PLEKHG7: variants seen among roughly 807,000 people sequenced by gnomAD.
PLEKHG7 encodes the protein pleckstrin homology and RhoGEF domain containing G7.
PLEKHG7 carries 77 observed loss-of-function variants against 85.2 expected under a neutral mutation model. That is an observed-to-expected ratio of 0.90 (90% CI 0.75 to 1.09). The LOEUF (loss-of-function observed/expected upper bound fraction) is 1.09, where lower values mean the gene tolerates loss of function less well. Among genes scored for constraint, PLEKHG7 ranks in the 50% least tolerant of loss-of-function variants. The probability of loss-of-function intolerance (pLI) is 0.00; values close to 1 mark genes in which losing one functional copy is unlikely to be tolerated. For missense variants in PLEKHG7, 777 were observed against 804.3 expected (o/e 0.97, Z 0.41); for synonymous variants, 301 against 302.4 (o/e 1.00, Z 0.05).
intron 14 of PLEKHG7, 34 bp from the exon 15 acceptor site, chr12:92,764,006 CT>C (rs772341553): frequency 6.3e-7 from 1 of 1,575,834 alleles, no homozygotes; most frequent in South Asian, 1.2e-5. Flanking sequence ...ATATTTATTT[CT>C]TGTTTATTGC....
intron 7 of PLEKHG7, among the ~76,000 whole-genome samples, chr12:92,739,770 T>C (rs1055084453): frequency 1.3e-5 from 2 of 152,218 alleles, no homozygotes; most frequent in Non-Finnish European, 2.9e-5. Flanking sequence ...GCAAAAGTAG[T>C]ATTTCTTCCA....
At chr12:92,768,303 G>A (rs1034468257) in intron 15 of PLEKHG7, among the ~76,000 whole-genome samples, 1 of 152,058 alleles carries the variant, frequency 6.6e-6, no homozygotes, top group Non-Finnish European at 1.5e-5. Context: ...AAGCGCTCCT[G>A]CTATATTAGA....
chr12:92,727,131 A>G (rs1871839032), intron 3 of PLEKHG7, among the ~76,000 whole-genome samples: 1 of 152,180 alleles, frequency 6.6e-6, no homozygotes, highest in South Asian at 2.1e-4. Flanking sequence ...TTTTGTCATC[A>G]CAGCCCTCCC....
At chr12:92,765,389 G>A (rs1397534746) in intron 15 of PLEKHG7, among the ~76,000 whole-genome samples, 1 of 151,522 alleles carries the variant, frequency 6.6e-6, no homozygotes, top group Non-Finnish European at 1.5e-5. Context: ...CAGCACCTTG[G>A]GAGCCCGAGT....
At chr12:92,756,430 C>T (rs1187036522) in intron 13 of PLEKHG7, 39 bp downstream of exon 13, 3 of 1,474,018 alleles carry the variant, frequency 2.0e-6, no homozygotes, top group Non-Finnish European at 9.5e-7. Context: ...AACATCTGTG[C>T]CGCCTTGTAA....
At chr12:92,740,466 T>C (rs1872319536) in intron 7 of PLEKHG7, among the ~76,000 whole-genome samples, 1 of 152,262 alleles carries the variant, frequency 6.6e-6, no homozygotes, top group African/African-American at 2.4e-5. Context: ...TTTGGGTCTT[T>C]TGCAGAAGAA....
At chr12:92,705,423 TAAG>T (rs1338642254) in intron 1 of PLEKHG7, among the ~76,000 whole-genome samples, 1 of 152,260 alleles carries the variant, frequency 6.6e-6, no homozygotes, top group African/African-American at 2.4e-5. Flanking sequence ...ATTAAAATTA[TAAG>T]AAGTAAATTA....
intron 3 of PLEKHG7, among the ~76,000 whole-genome samples, chr12:92,716,867 T>C (rs1393729956): frequency 6.6e-6 from 1 of 152,236 alleles, no homozygotes; most frequent in Non-Finnish European, 1.5e-5. Context: ...AGAAAGAGTC[T>C]ACTTCCAAAA....
chr12:92,722,079 C>T (rs866641328), intron 3 of PLEKHG7, among the ~76,000 whole-genome samples: 9 of 151,012 alleles, frequency 6.0e-5, no homozygotes, highest in African/African-American at 2.2e-4. Context: ...AAAAAAAAAA[C>T]CCTAATATTT....
intron 10 of PLEKHG7, among the ~76,000 whole-genome samples, chr12:92,750,929 A>G (rs184655333): frequency 6.8e-6 from 1 of 146,108 alleles, no homozygotes; most frequent in Non-Finnish European, 1.5e-5. Flanking sequence ...ACAAAGTCAG[A>G]CCTACCCTGT....
rs1305251818 is a variant in PLEKHG7 at position 92,770,248 on chromosome 12, T to C, written c.*53T>C. The C allele has an allele frequency of 1.7e-5, 23 of 1,320,648 alleles. No homozygotes were observed. The highest frequency in any genetic ancestry group is 2.4e-5 in the Non-Finnish European group (23 of 942,550). 81.8% of individuals were successfully genotyped at this position (1,320,648 alleles called of 1,614,324 possible). ...TAGAAGATTATGGTTTAAGGTATAA[T>C]TTCATTCAAAGTTTTGTAACACTTA... On this transcript the variant is annotated 3_prime_UTR_variant, in exon 17 of 17. Coordinates refer to ENST00000344636, the MANE Select transcript of PLEKHG7 (RefSeq NM_001377329.1).
chr12:92,718,823 G>C (rs1354889605), intron 3 of PLEKHG7, among the ~76,000 whole-genome samples: 3 of 152,206 alleles, frequency 2.0e-5, no homozygotes, highest in African/African-American at 7.2e-5. Context: ...GTTGCCAGCA[G>C]TTACCATGGT....
At chr12:92,721,075 A>C (rs1228248782) in intron 3 of PLEKHG7, among the ~76,000 whole-genome samples, 1 of 152,236 alleles carries the variant, frequency 6.6e-6, no homozygotes, top group Middle Eastern at 3.2e-3. Flanking sequence ...TATCCACTAC[A>C]TAGGGTGCTT....
At chr12:92,765,498 G>A (rs150057334) in intron 15 of PLEKHG7, among the ~76,000 whole-genome samples, 849 of 151,912 alleles carry the variant, frequency 5.6e-3, no homozygotes, top group African/African-American at 9.1e-3. Context: ...GCATGGTGGC[G>A]CACACCTGTG....
At chr12:92,749,085 T>TGTTCTGTTGTAAACAAC (rs778731416) in intron 10 of PLEKHG7, among the ~76,000 whole-genome samples, 73 of 152,226 alleles carry the variant, frequency 4.8e-4, no homozygotes, top group Non-Finnish European at 8.7e-4. Flanking sequence ...TCTCCTACAA[T>TGTTCTGTTGTAAACAAC]GTTCTGTTGT....
chr12:92,745,538 ATCTT>A lies in PLEKHG7; in HGVS notation c.1200_1203del (p.Phe401IlefsTer5). The A allele has an allele frequency of 6.2e-7, 1 of 1,614,014 alleles. No homozygotes were observed. ...CTACTGCCTGAACTATTCAGCTGCT[ATCTT>A]TTATCTTGAGAGCCTGAGGCAGAGA... On this transcript the variant is annotated frameshift_variant, in exon 10 of 17. Transcript: ENST00000344636. LOFTEE classifies it high-confidence loss of function.
At chr12:92,740,601 G>A (rs1872325265) in intron 7 of PLEKHG7, among the ~76,000 whole-genome samples, 1 of 152,160 alleles carries the variant, frequency 6.6e-6, no homozygotes, top group Admixed American at 6.5e-5. Flanking sequence ...GACAGATTAT[G>A]TTCAATAGGA....
Position 92,707,017 on chromosome 12 carries a change from C to T in PLEKHG7, c.386C>T (p.Thr129Ile), listed in dbSNP as rs753676219. 1 of 1,614,172 alleles carries T rather than the reference C, an allele frequency of 6.2e-7. No homozygotes were observed. The highest frequency in any genetic ancestry group is 1.1e-5 in the South Asian group (1 of 91,070). ...TCACTGGAGCCCCAAACCCGGCCCA[C>T]TGACAAGTATCTCCCTCCTGAGCTT... is the stretch of plus-strand genomic sequence containing the variant. Reference protein sequence around the residue: ...ADSLEPQTRPTDKYLPPELQP... With the variant: ...ADSLEPQTRPIDKYLPPELQP... The change falls in exon 2 of 17, where the codon ACT (threonine) becomes ATT (isoleucine). Residue 129 changes from threonine to isoleucine, a missense_variant. This residue lies in a region of PLEKHG7 where 252 missense variants were observed against 241.9 expected (regional missense o/e 1.04). Coordinates refer to ENST00000344636, the MANE Select transcript of PLEKHG7 (RefSeq NM_001377329.1).
chr12:92,732,335 A>C, intron 5 of PLEKHG7, 62 bp downstream of exon 5: 1 of 1,012,236 alleles, frequency 9.9e-7, no homozygotes, highest in Non-Finnish European at 1.3e-6. Flanking sequence ...GAAAGTAAGA[A>C]ATGGCTGAAG....
Sources: gnomAD v4.1 joint callset for allele counts (sites outside exome capture counted in the v4.1 genomes callset) on GRCh38, gnomAD v4.1.1 for gene constraint, gnomAD v4.1.1 regional missense constraint, MANE v1.5 for transcripts, NCBI Gene and HGNC (gene_info 2026-07-23, HGNC 2026-07-21) for gene names.